CTCF: variants seen among roughly 807,000 people sequenced by gnomAD.
CTCF encodes transcriptional repressor CTCF.
In CTCF, 7 loss-of-function variants were observed where a neutral mutation model predicts 72.3. That is an observed-to-expected ratio of 0.10 (90% CI 0.06 to 0.18). CTCF has a LOEUF of 0.18. Among genes scored for constraint, CTCF ranks in the 10% least tolerant of loss-of-function variants. The pLI is 1.00. For synonymous variants in CTCF, 374 were observed against 315.8 expected, an observed-to-expected ratio of 1.18 and a Z score of -1.95; for missense variants, 516 against 949.1, an observed-to-expected ratio of 0.54 and a Z score of 6.00.
chr16:67,584,290 C>T (rs1471838707), intron 2 of CTCF, among the ~76,000 whole-genome samples: 2 of 150,470 alleles, frequency 1.3e-5, no homozygotes, highest in African/African-American at 4.9e-5. Flanking sequence ...CCATTGCGCT[C>T]CAGCCTGGAT....
In CTCF at chr16:67,638,080, C is replaced by G. The variant is rs1028021977; in HGVS notation, c.*208C>G. On this transcript the variant is annotated 3_prime_UTR_variant, in exon 12 of 12. Coordinates refer to ENST00000264010, the MANE Select transcript of CTCF (RefSeq NM_006565.4). ...TGATGTTAGCAAATCATGGAATGTT[C>G]TGAGTCCCTGAGGGTTTACTGTGAA... 3.8e-5 allele frequency: 21 copies of G among 548,422 alleles called. No individual in the cohort carries two copies. Among genetic ancestry groups the G allele is most frequent in the Non-Finnish European group, 6.8e-5 (21 of 309,916 alleles). 34.0% of individuals were successfully genotyped at this position (548,422 alleles called of 1,614,324 possible). A position where few individuals can be genotyped will look rare whatever the true frequency, so the allele number is the denominator to read the frequency against.
At chr16:67,637,536 A>G (rs2052447287) in intron 11 of CTCF, 152 bp from the exon 12 acceptor site, 1 of 629,386 alleles carries the variant, frequency 1.6e-6, no homozygotes, top group Non-Finnish European at 2.7e-6. Context: ...GTCTCAAAAA[A>G]TAAAATAAAA....
chr16:67,599,571 C>T (rs1049953532), intron 2 of CTCF, among the ~76,000 whole-genome samples: 1 of 152,114 alleles, frequency 6.6e-6, no homozygotes. Context: ...CCCTCATCCC[C>T]GATTGCCTGG....
intron 10 of CTCF, among the ~76,000 whole-genome samples, chr16:67,635,850 T>C (rs2052421816): frequency 6.6e-6 from 1 of 152,110 alleles, no homozygotes; most frequent in Non-Finnish European, 1.5e-5. Flanking sequence ...GGTCTTGAAC[T>C]CCTGAACATG....
At chr16:67,587,322 A>G (rs944920030) in intron 2 of CTCF, among the ~76,000 whole-genome samples, 3 of 152,054 alleles carry the variant, frequency 2.0e-5, no homozygotes, top group Non-Finnish European at 4.4e-5. Flanking sequence ...CCACATTGCT[A>G]TTTGGTACAA....
chr16:67,572,139 A>G (rs1227198835), intron 2 of CTCF, among the ~76,000 whole-genome samples: 2 of 152,214 alleles, frequency 1.3e-5, no homozygotes, highest in East Asian at 1.9e-4. Context: ...TTTTCTTACA[A>G]GCTCTGCCTG....
chr16:67,579,665 T>TTG (rs1181862186), intron 2 of CTCF, among the ~76,000 whole-genome samples: 4 of 152,178 alleles, frequency 2.6e-5, no homozygotes, highest in Non-Finnish European at 5.9e-5. Context: ...AGTGCTGGGA[T>TTG]TACAGGTATG....
chr16:67,630,591 C>CA (rs1388792976), intron 10 of CTCF, among the ~76,000 whole-genome samples: 1 of 151,974 alleles, frequency 6.6e-6, no homozygotes, highest in East Asian at 1.9e-4. Context: ...CTTGTCTCTA[C>CA]AAAAAATTTA....
chr16:67,613,663 C>A (rs574239215), intron 4 of CTCF, among the ~76,000 whole-genome samples: 2 of 152,260 alleles, frequency 1.3e-5, no homozygotes, highest in South Asian at 4.1e-4. Context: ...GTAAACCCAG[C>A]TACTTGGGTG....
At chr16:67,625,253 C>T (rs956155362) in intron 7 of CTCF, among the ~76,000 whole-genome samples, 1 of 152,032 alleles carries the variant, frequency 6.6e-6, no homozygotes, top group African/African-American at 2.4e-5. Flanking sequence ...TGCAGTAGCA[C>T]AATCTTGGCT....
At chr16:67,635,845 T>C (rs916074478) in intron 10 of CTCF, among the ~76,000 whole-genome samples, 5 of 151,922 alleles carry the variant, frequency 3.3e-5, no homozygotes, top group Non-Finnish European at 5.9e-5. Flanking sequence ...AAGCTGGTCT[T>C]GAACTCCTGA....
At chr16:67,621,078 A>G (rs1364273378) in intron 6 of CTCF, 2 of 372,162 alleles carry the variant, frequency 5.4e-6, no homozygotes, top group Non-Finnish European at 9.6e-6. Flanking sequence ...GTTAAAATGG[A>G]CAGATTTTAA....
intron 2 of CTCF, among the ~76,000 whole-genome samples, chr16:67,584,314 CCTT>C (rs1161471781): frequency 1.4e-5 from 2 of 145,470 alleles, no homozygotes; most frequent in Non-Finnish European, 3.0e-5. Flanking sequence ...GAACGGAACT[CCTT>C]CTCAAAAAAA....
Position 67,611,499 on chromosome 16 carries a change from G to A in CTCF, c.667G>A (p.Val223Met), listed in dbSNP as rs2142826581. The change falls in exon 3 of 12, where the codon GTG (valine) becomes ATG (methionine). Residue 223 changes from valine (V) to methionine (M), a missense_variant. By Grantham distance (21) the Val-to-Met change is conservative (BLOSUM62 1). Around this residue, in one of 7 missense-constraint regions of CTCF, gnomAD observed 53 missense variants for 63.6 expected, o/e 0.83. Coordinates refer to ENST00000264010, the MANE Select transcript of CTCF (RefSeq NM_006565.4). ...TACAGAGGAGGGCAAAGATGTAGAT[G>A]TGTCTGTCTACGATTTTGAGGAAGA... Reference protein sequence around the residue: ...RYTEEGKDVDVSVYDFEEEQQ... With the variant: ...RYTEEGKDVDMSVYDFEEEQQ... 1 of 1,614,212 alleles carries A rather than the reference G, an allele frequency of 6.2e-7. No homozygotes were observed. Among genetic ancestry groups the A allele is most frequent in the Non-Finnish European group, 8.5e-7 (1 of 1,180,036 alleles).
chr16:67,576,449 T>C (rs1480490235), intron 2 of CTCF, among the ~76,000 whole-genome samples: 4 of 151,978 alleles, frequency 2.6e-5, no homozygotes, highest in Non-Finnish European at 5.9e-5. Context: ...GCAAATACTT[T>C]TTTTCTTTTC....
intron 1 of CTCF, among the ~76,000 whole-genome samples, chr16:67,564,212 G>A (rs897944764): frequency 1.3e-5 from 2 of 152,186 alleles, no homozygotes; most frequent in Admixed American, 6.5e-5. Flanking sequence ...AAAGCATCCC[G>A]TTGAATTGCG....
At chr16:67,602,842 CAAAAAAA>C (rs75191313) in intron 2 of CTCF, among the ~76,000 whole-genome samples, 6 of 55,352 alleles carry the variant, frequency 1.1e-4, no homozygotes, top group South Asian at 5.2e-4. Flanking sequence ...ACTCCATCTC[CAAAAAAA>C]AAAAAAAAAA....
chr16:67,574,762 C>G (rs993906187), intron 2 of CTCF, among the ~76,000 whole-genome samples: 3 of 149,912 alleles, frequency 2.0e-5, no homozygotes, highest in Non-Finnish European at 4.4e-5. Context: ...AGGTTCACAC[C>G]ATTCTCCTGC....
At chr16:67,615,456 A>C (rs1287960809) in intron 4 of CTCF, 1 of 152,006 alleles carries the variant, frequency 6.6e-6, no homozygotes, top group African/African-American at 2.4e-5. Context: ...TCTCTACAAA[A>C]TAGAAAAAAT....
Sources: allele counts gnomAD v4.1 joint callset (sites outside exome capture counted in the v4.1 genomes callset), GRCh38; gene constraint gnomAD v4.1.1; regional missense constraint gnomAD v4.1.1; transcripts MANE v1.5; gene names NCBI Gene and HGNC (gene_info 2026-07-23, HGNC 2026-07-21).